The following NPAS3 variants were observed in gnomAD, a reference collection of about 807,000 sequenced individuals.
The protein encoded by NPAS3 is neuronal PAS domain-containing protein 3.
Under a neutral mutation model 73.1 loss-of-function variants are expected in NPAS3, and 14 were observed. The observed-to-expected ratio is 0.19, with a 90% CI of 0.13 to 0.30. NPAS3 has a LOEUF of 0.30. Ranked by LOEUF, NPAS3 falls within the 10% of genes least tolerant of loss-of-function variation. The pLI, the probability that NPAS3 is intolerant of heterozygous loss-of-function variation, is 1.00. For synonymous variants in NPAS3, 620 were observed against 541.5 expected (o/e 1.14, Z -2.01); for missense variants, 1,096 against 1,250.0 (o/e 0.88, Z 1.86).
chr14:33,456,926 A>G (rs2050048185), intron 4 of NPAS3, among the ~76,000 whole-genome samples: 1 of 152,164 alleles, frequency 6.6e-6, no homozygotes, highest in African/African-American at 2.4e-5. Flanking sequence ...CAGGGGAAGG[A>G]CTTCCTCCGC....
At chr14:33,566,849 T>C (rs556249292) in intron 5 of NPAS3, among the ~76,000 whole-genome samples, 2 of 152,352 alleles carry the variant, frequency 1.3e-5, no homozygotes, top group East Asian at 3.9e-4. Flanking sequence ...GGTATTTCTC[T>C]TATAACCTTA....
intron 4 of NPAS3, among the ~76,000 whole-genome samples, chr14:33,444,055 T>C (rs553824618): frequency 6.6e-6 from 1 of 152,234 alleles, no homozygotes; most frequent in Non-Finnish European, 1.5e-5. Context: ...TCCATTTTAG[T>C]AGAAGAAATT....
At chr14:32,962,569 C>CTTTTTTTTTTTTT (rs71432096) in intron 1 of NPAS3, among the ~76,000 whole-genome samples, 64 of 110,644 alleles carry the variant, frequency 5.8e-4, no homozygotes, top group East Asian at 9.3e-4. Flanking sequence ...TTTTTCTTTT[C>CTTTTTTTTTTTTT]TTTTTTTTTT....
intron 2 of NPAS3, among the ~76,000 whole-genome samples, chr14:33,201,673 T>C (rs912853): frequency 0.95 from 144,714 of 152,290 alleles, 68,968 homozygotes; most frequent in Non-Finnish European, 0.98. Context: ...GGGGGAAATG[T>C]TCAATCATGT....
chr14:33,091,806 G>C (rs1289983245), intron 2 of NPAS3, among the ~76,000 whole-genome samples: 1 of 151,962 alleles, frequency 6.6e-6, no homozygotes, highest in Non-Finnish European at 1.5e-5. Flanking sequence ...GGGATTCAAG[G>C]CTGGTTCAAC....
At chr14:33,130,173 G>A (rs575012451) in intron 2 of NPAS3, among the ~76,000 whole-genome samples, 20 of 152,148 alleles carry the variant, frequency 1.3e-4, no homozygotes, top group Non-Finnish European at 2.2e-4. Context: ...TTATGCGTAC[G>A]GCAGACCATA....
intron 4 of NPAS3, among the ~76,000 whole-genome samples, chr14:33,539,832 T>TG (rs1300933305): frequency 6.6e-6 from 1 of 152,180 alleles, no homozygotes; most frequent in Non-Finnish European, 1.5e-5. Flanking sequence ...GGTCACTGTT[T>TG]GGGGGGTTTG....
At chr14:33,193,416 C>T (rs2046240423) in intron 2 of NPAS3, among the ~76,000 whole-genome samples, 1 of 152,098 alleles carries the variant, frequency 6.6e-6, no homozygotes, top group Non-Finnish European at 1.5e-5. Context: ...TAAACACATA[C>T]TCAGATGGGG....
chr14:33,521,846 A>G (rs781586374), intron 4 of NPAS3, among the ~76,000 whole-genome samples: 5 of 152,292 alleles, frequency 3.3e-5, no homozygotes, highest in Non-Finnish European at 7.4e-5. Context: ...CGGAAATGCT[A>G]AATAAATCAA....
chr14:33,417,245 T>C (rs894788978), intron 4 of NPAS3, among the ~76,000 whole-genome samples: 21 of 152,172 alleles, frequency 1.4e-4, no homozygotes, highest in Admixed American at 3.3e-4. Flanking sequence ...AATCACTTAT[T>C]TATGAAATAG....
At chr14:33,190,100 A>C (rs2046115901) in intron 2 of NPAS3, among the ~76,000 whole-genome samples, 1 of 152,184 alleles carries the variant, frequency 6.6e-6, no homozygotes, top group Admixed American at 6.5e-5. Flanking sequence ...AGAAATACTT[A>C]TTTCAGTATT....
At chr14:33,330,695 C>T (rs2043945495) in intron 3 of NPAS3, among the ~76,000 whole-genome samples, 1 of 152,216 alleles carries the variant, frequency 6.6e-6, no homozygotes, top group Non-Finnish European at 1.5e-5. Flanking sequence ...CAGAGGCCTT[C>T]TCAGAGGCCG....
At chr14:33,717,607 A>G (rs1370920925) in intron 6 of NPAS3, among the ~76,000 whole-genome samples, 1 of 152,110 alleles carries the variant, frequency 6.6e-6, no homozygotes, top group Admixed American at 6.6e-5. Flanking sequence ...GCATTCTCAT[A>G]TATTTCTTTC....
chr14:33,016,921 G>A (rs1224749989), intron 1 of NPAS3, among the ~76,000 whole-genome samples: 5 of 152,132 alleles, frequency 3.3e-5, no homozygotes, highest in Non-Finnish European at 5.9e-5. Context: ...TGACTACAGA[G>A]AAAGAAACAC....
upstream of NPAS3, among the ~76,000 whole-genome samples, chr14:32,938,470 AGAGAGAGAGAGAAATT>A (rs2035778343): frequency 3.9e-5 from 5 of 129,298 alleles, 1 homozygote; most frequent in African/African-American, 1.5e-4. Flanking sequence ...AGAGAGAGAG[AGAGAGAGAGAGAAATT>A]GAGAGAGAGA....
intron 4 of NPAS3, among the ~76,000 whole-genome samples, chr14:33,503,007 T>G (rs199852653): frequency 2.1e-5 from 2 of 93,734 alleles, no homozygotes; most frequent in Non-Finnish European, 4.8e-5. Context: ...CCTTGTTGCC[T>G]TTTCTTCATG....
At chr14:33,737,192 C>T (rs188570813) in intron 7 of NPAS3, among the ~76,000 whole-genome samples, 1 of 152,250 alleles carries the variant, frequency 6.6e-6, no homozygotes, top group East Asian at 1.9e-4. Flanking sequence ...GAGGGGGTGG[C>T]TGATGAGGGC....
chr14:32,953,130 A>G (rs1160363999), intron 1 of NPAS3, among the ~76,000 whole-genome samples: 2 of 149,872 alleles, frequency 1.3e-5, no homozygotes, highest in African/African-American at 5.0e-5. Flanking sequence ...ACAACCAAAA[A>G]AAAAGAAAAA....
At chr14:33,608,452 A>G (rs142417288) in intron 5 of NPAS3, 23 of 152,310 alleles carry the variant, frequency 1.5e-4, no homozygotes, top group African/African-American at 5.1e-4. Flanking sequence ...GTGGTTATTT[A>G]TCTCTCTTGC....
Sources: allele counts gnomAD v4.1 joint callset (sites outside exome capture counted in the v4.1 genomes callset), GRCh38; gene constraint gnomAD v4.1.1; transcripts MANE v1.5; gene names NCBI Gene and HGNC (gene_info 2026-07-23, HGNC 2026-07-21).